The following DYM variants were observed in gnomAD, a reference collection of about 807,000 sequenced individuals.
DYM encodes the protein dymeclin.
Under a neutral mutation model 93.1 loss-of-function variants are expected in DYM, and 78 were observed. That is an observed-to-expected ratio of 0.84 (90% CI 0.70 to 1.01). DYM has a LOEUF of 1.01. Ranked by LOEUF, DYM falls within the 50% of genes least tolerant of loss-of-function variation. The probability of loss-of-function intolerance (pLI) is 0.00; values close to 1 mark genes in which losing one functional copy is unlikely to be tolerated. For synonymous variants in DYM, 321 were observed against 319.7 expected (o/e 1.00, Z -0.04); for missense variants, 789 against 845.0 (o/e 0.93, Z 0.82).
At chr18:49,204,512 C>A (rs1252456477) in intron 14 of DYM, among the ~76,000 whole-genome samples, 4 of 152,192 alleles carry the variant, frequency 2.6e-5, no homozygotes, top group African/African-American at 9.6e-5. Context: ...TACTTTCTTA[C>A]TTCACAGATT....
At chr18:49,435,207 C>CAAAAAAAA (rs150003482) in intron 1 of DYM, among the ~76,000 whole-genome samples, 2 of 88,768 alleles carry the variant, frequency 2.3e-5, no homozygotes, top group Non-Finnish European at 4.4e-5. Context: ...GACTCCATCT[C>CAAAAAAAA]AAAAAAAAAA....
chr18:49,324,646 C>A (rs1599430157), intron 8 of DYM, among the ~76,000 whole-genome samples: 2 of 152,142 alleles, frequency 1.3e-5, no homozygotes, highest in South Asian at 2.1e-4. Flanking sequence ...TTGAGCAGAC[C>A]AAAAAGATTC....
intron 1 of DYM, among the ~76,000 whole-genome samples, chr18:49,453,762 C>T (rs772341332): frequency 3.3e-5 from 5 of 152,182 alleles, no homozygotes; most frequent in Non-Finnish European, 7.3e-5. Context: ...GTTTTACTAA[C>T]ACCGAGTTTG....
intron 8 of DYM, among the ~76,000 whole-genome samples, chr18:49,290,773 C>G (rs1306841248): frequency 1.3e-5 from 2 of 152,018 alleles, no homozygotes; most frequent in Non-Finnish European, 2.9e-5. Context: ...AGTGGTCATT[C>G]GTCATGGAGC....
At chr18:49,166,989 C>CGTGT (rs61299099) in intron 14 of DYM, among the ~76,000 whole-genome samples, 54 of 142,028 alleles carry the variant, frequency 3.8e-4, no homozygotes, top group East Asian at 4.3e-4. Flanking sequence ...TCTCACATTC[C>CGTGT]GTGTGTGTGT....
intron 8 of DYM, among the ~76,000 whole-genome samples, chr18:49,318,530 G>A (rs1042840904): frequency 4.6e-5 from 7 of 152,068 alleles, no homozygotes; most frequent in Non-Finnish European, 8.8e-5. Flanking sequence ...GCTGAGGCAG[G>A]AGAATCACTT....
rs780426777 is a variant in DYM at position 49,379,723 on chromosome 18, G to A, written c.229C>T (p.Leu77=). 2 of 1,613,348 alleles carry A rather than the reference G, an allele frequency of 1.2e-6. No individual in the cohort carries two copies. Among genetic ancestry groups the A allele is most frequent in the Non-Finnish European group, 1.7e-6 (2 of 1,179,522 alleles). ...GTTCTAGAAAGGAAGACCTTAATTAGTGCACCAAGATTTCCTGTTCGAGGA... is the reference window on the plus strand; with the variant it reads ...GTTCTAGAAAGGAAGACCTTAATTAATGCACCAAGATTTCCTGTTCGAGGA... ...NNPRTGNLGA[L]IKVFLSRTKE... is the part of the protein sequence containing the mutation. The change falls in exon 4 of 18, where the codon CTA becomes TTA. Residue 77 remains leucine, a synonymous_variant. Transcript: ENST00000675505.
chr18:49,137,332 G>C (rs556508276), intron 15 of DYM, among the ~76,000 whole-genome samples: 1 of 152,128 alleles, frequency 6.6e-6, no homozygotes, highest in Non-Finnish European at 1.5e-5. Context: ...ATACTGGCAG[G>C]GAGTCAAAAG....
intron 17 of DYM, among the ~76,000 whole-genome samples, chr18:49,071,142 G>C (rs2076853240): frequency 6.6e-6 from 1 of 152,138 alleles, no homozygotes; most frequent in Non-Finnish European, 1.5e-5. Context: ...TATTTTTCAT[G>C]CCTGTATCAA....
At chr18:49,410,208 G>A (rs974544474) in intron 2 of DYM, among the ~76,000 whole-genome samples, 2 of 152,084 alleles carry the variant, frequency 1.3e-5, no homozygotes, top group Admixed American at 6.6e-5. Context: ...CAAGACTACA[G>A]GTGTGTGCCA....
chr18:49,116,201 C>T (rs1215381585), intron 16 of DYM: 1 of 152,178 alleles, frequency 6.6e-6, no homozygotes, highest in Admixed American at 6.5e-5. Context: ...ACTCAGCTTA[C>T]CAATCAAATG....
chr18:49,243,430 C>T (rs2094082599), intron 13 of DYM, among the ~76,000 whole-genome samples: 2 of 152,030 alleles, frequency 1.3e-5, no homozygotes, highest in Admixed American at 6.6e-5. Flanking sequence ...TTTGGGAGGC[C>T]AAGGATGGTG....
intron 13 of DYM, among the ~76,000 whole-genome samples, chr18:49,251,174 A>G (rs1442180006): frequency 3.9e-5 from 6 of 152,234 alleles, no homozygotes; most frequent in South Asian, 2.1e-4. Context: ...ATAGGAAGCC[A>G]TTTAATATTT....
chr18:49,302,040 A>G (rs920837608), intron 8 of DYM, among the ~76,000 whole-genome samples: 17 of 152,224 alleles, frequency 1.1e-4, no homozygotes, highest in African/African-American at 4.1e-4. Flanking sequence ...TGGAATCATA[A>G]AACTATTTTA....
chr18:49,147,070 A>G (rs1212883669), intron 15 of DYM, among the ~76,000 whole-genome samples: 1 of 152,070 alleles, frequency 6.6e-6, no homozygotes, highest in Non-Finnish European at 1.5e-5. Context: ...ATCTTTGACA[A>G]ACCTGACAAA....
At chr18:49,153,280 A>C (rs1334615570) in intron 15 of DYM, among the ~76,000 whole-genome samples, 3 of 152,226 alleles carry the variant, frequency 2.0e-5, no homozygotes, top group Admixed American at 2.0e-4. Context: ...AATCGATTGC[A>C]CTAAAGAAGA....
intron 13 of DYM, among the ~76,000 whole-genome samples, chr18:49,235,874 TA>T (rs1270299449): frequency 6.6e-6 from 1 of 151,924 alleles, no homozygotes. Context: ...CATAATACTA[TA>T]AAATTTTCAT....
chr18:49,322,607 A>G (rs1164625609), intron 8 of DYM, among the ~76,000 whole-genome samples: 2 of 152,018 alleles, frequency 1.3e-5, no homozygotes, highest in East Asian at 1.9e-4. Context: ...TATTTATTGT[A>G]TACATTATTA....
chr18:49,309,321 T>C (rs146704143), intron 8 of DYM, among the ~76,000 whole-genome samples: 121 of 152,258 alleles, frequency 7.9e-4, no homozygotes, highest in African/African-American at 2.6e-3. Context: ...TGAAAGGTTT[T>C]TTGTTTGTTT....
Sources: allele counts gnomAD v4.1 joint callset (sites outside exome capture counted in the v4.1 genomes callset), GRCh38; gene constraint gnomAD v4.1.1; transcripts MANE v1.5; gene names NCBI Gene and HGNC (gene_info 2026-07-23, HGNC 2026-07-21).